Variants in LRBA observed in about 807,000 individuals in gnomAD.
The protein encoded by LRBA is lipopolysaccharide-responsive and beige-like anchor protein.
Under a neutral mutation model 330.0 loss-of-function variants are expected in LRBA, and 176 were observed. The observed-to-expected ratio is 0.53, with a 90% CI of 0.47 to 0.60. LRBA has a LOEUF of 0.60. Ranked by LOEUF, LRBA falls within the 20% of genes least tolerant of loss-of-function variation. The pLI is 0.00. For missense variants in LRBA, 3,259 were observed against 3,444.8 expected (o/e 0.95, Z 1.35); for synonymous variants, 1,230 against 1,193.0 (o/e 1.03, Z -0.64).
chr4:150,279,383 A>T (rs1453416615), intron 55 of LRBA, among the ~76,000 whole-genome samples: 1 of 152,136 alleles, frequency 6.6e-6, no homozygotes, highest in Non-Finnish European at 1.5e-5. Context: ...TCCTTTCTTT[A>T]GTGGATGGCA....
chr4:150,479,326 CA>C (rs1243719855), intron 42 of LRBA, among the ~76,000 whole-genome samples: 12 of 152,052 alleles, frequency 7.9e-5, no homozygotes, highest in African/African-American at 2.9e-4. Flanking sequence ...CATTACAGAA[CA>C]TTCCCAGGTA....
chr4:150,562,963 C>T (rs72959804), intron 40 of LRBA, among the ~76,000 whole-genome samples: 9,548 of 152,068 alleles, frequency 0.063, 483 homozygotes, highest in East Asian at 0.18. Flanking sequence ...CCACACCCAG[C>T]TAATTTTTAA....
intron 38 of LRBA, among the ~76,000 whole-genome samples, chr4:150,594,249 A>G (rs1367408690): frequency 6.6e-6 from 1 of 151,990 alleles, no homozygotes; most frequent in Non-Finnish European, 1.5e-5. Flanking sequence ...ACAGTACTCT[A>G]ATATACACCA....
Position 150,596,907 on chromosome 4 carries a change from T to A in LRBA, c.6046+2100A>T, listed in dbSNP as rs574920491. 1.5e-3 allele frequency among the ~76,000 whole-genome samples: 225 copies of A among 151,678 alleles called. 1 individual carries two copies. The highest frequency in any genetic ancestry group is 3.4e-3 in the Admixed American group (52 of 15,256). ...GGTAGGATTAGAATTTGTGTTTTTT[T>A]AAAAAATGTTATAGTAAATATTAAA... On this transcript the variant is annotated intron_variant, in intron 38 of 56. Coordinates refer to ENST00000651943, the MANE Select transcript of LRBA (RefSeq NM_001364905.1).
At chr4:150,463,747 G>A (rs1047436561) in intron 44 of LRBA, among the ~76,000 whole-genome samples, 2 of 152,024 alleles carry the variant, frequency 1.3e-5, no homozygotes, top group African/African-American at 2.4e-5. Flanking sequence ...AAAGGATTCT[G>A]TTTAGCTGGC....
intron 47 of LRBA, among the ~76,000 whole-genome samples, chr4:150,356,256 A>C (rs1290789000): frequency 6.6e-6 from 1 of 152,102 alleles, no homozygotes; most frequent in African/African-American, 2.4e-5. Flanking sequence ...GTAAAGTCCA[A>C]AAAGGAAAAG....
At chr4:150,946,917 CAAA>C (rs34474606) in intron 2 of LRBA, among the ~76,000 whole-genome samples, 1 of 117,664 alleles carries the variant, frequency 8.5e-6, no homozygotes, top group Non-Finnish European at 1.8e-5. Flanking sequence ...TTAGAGGCAG[CAAA>C]AAAAAAAAAA....
chr4:150,603,217 T>C (rs1774296551), intron 37 of LRBA, among the ~76,000 whole-genome samples: 1 of 152,214 alleles, frequency 6.6e-6, no homozygotes, highest in South Asian at 2.1e-4. Flanking sequence ...TGGTGGAACA[T>C]ATGTCTTTAA....
chr4:150,945,710 G>C (rs1579282688), intron 2 of LRBA, among the ~76,000 whole-genome samples: 1 of 152,046 alleles, frequency 6.6e-6, no homozygotes. Flanking sequence ...TTCGGATATA[G>C]TATCTGAATA....
At chr4:150,350,780 G>A (rs944477278) in intron 47 of LRBA, among the ~76,000 whole-genome samples, 5 of 152,082 alleles carry the variant, frequency 3.3e-5, no homozygotes, top group African/African-American at 7.2e-5. Context: ...ACAGGTACTC[G>A]ATTTATGCTT....
intron 2 of LRBA, among the ~76,000 whole-genome samples, chr4:150,942,300 G>A (rs1383378092): frequency 6.6e-6 from 1 of 152,066 alleles, no homozygotes; most frequent in Non-Finnish European, 1.5e-5. Flanking sequence ...CCATGTCCCA[G>A]GAATCACAGA....
chr4:150,860,376 C>T (rs1720253812), intron 22 of LRBA, among the ~76,000 whole-genome samples: 2 of 152,198 alleles, frequency 1.3e-5, no homozygotes, highest in South Asian at 4.1e-4. Context: ...AAAAAGACTC[C>T]ATGATTAACT....
At chr4:150,541,399 T>C (rs1561324866) in intron 40 of LRBA, among the ~76,000 whole-genome samples, 2 of 152,178 alleles carry the variant, frequency 1.3e-5, no homozygotes, top group Admixed American at 1.3e-4. Context: ...GCTGGAACAT[T>C]GGTTCCTTTC....
At chr4:150,612,810 G>C (rs1392975743) in intron 37 of LRBA, among the ~76,000 whole-genome samples, 1 of 152,078 alleles carries the variant, frequency 6.6e-6, no homozygotes, top group African/African-American at 2.4e-5. Context: ...AAAATTATAT[G>C]ACATAAAATC....
At chr4:150,732,926 T>C (rs1428686642) in intron 36 of LRBA, among the ~76,000 whole-genome samples, 3 of 152,056 alleles carry the variant, frequency 2.0e-5, no homozygotes, top group Non-Finnish European at 2.9e-5. Context: ...GTCTTTTTAG[T>C]GATGTTTTAA....
intron 52 of LRBA, among the ~76,000 whole-genome samples, chr4:150,303,134 C>T (rs975375460): frequency 2.6e-5 from 4 of 152,126 alleles, no homozygotes; most frequent in African/African-American, 9.7e-5. Context: ...CTTTTGGAAC[C>T]ATTTTAACAC....
chr4:150,587,987 C>A, intron 40 of LRBA, 61 bp downstream of exon 40: 1 of 1,550,562 alleles, frequency 6.4e-7, no homozygotes, highest in Non-Finnish European at 8.7e-7. Context: ...CAATCCCAAT[C>A]CTATCCAACA....
chr4:150,614,090 G>A (rs1241145014), intron 37 of LRBA, among the ~76,000 whole-genome samples: 1 of 152,216 alleles, frequency 6.6e-6, no homozygotes, highest in Admixed American at 6.5e-5. Flanking sequence ...GGCGGGAAAT[G>A]GAATGGGGAG....
In LRBA at chr4:150,828,528, C is replaced by G; in HGVS notation, c.4823G>C (p.Gly1608Ala). Residue 1608 changes from glycine (G) to alanine (A), a missense_variant, in exon 30 of 57, where the codon GGG becomes GCG. Transcript: ENST00000651943. Reference sequence around the variant, plus strand: ...TCCTAAACCAGTGGCTGTTTCTTCCCCAATGCCTGAGTCCCTCCTTCGAGC... The same window carrying G: ...TCCTAAACCAGTGGCTGTTTCTTCCGCAATGCCTGAGTCCCTCCTTCGAGC... ...SSARRRDSGI[G>A]EETATGLGSH... 1 of 1,614,082 alleles carries G rather than the reference C, an allele frequency of 6.2e-7. No homozygotes were observed. The highest frequency in any genetic ancestry group is 8.5e-7 in the Non-Finnish European group (1 of 1,179,984).
Sources: allele counts gnomAD v4.1 joint callset (sites outside exome capture counted in the v4.1 genomes callset), GRCh38; gene constraint gnomAD v4.1.1; transcripts MANE v1.5; gene names NCBI Gene and HGNC (gene_info 2026-07-23, HGNC 2026-07-21).